UPRT: variants seen among roughly 807,000 people sequenced by gnomAD.
UPRT encodes the protein uracil phosphoribosyltransferase homolog.
A neutral mutation model predicts 22.6 loss-of-function variants in UPRT; 5 were observed. The ratio of observed to expected loss-of-function variants is 0.22; its 90% CI spans 0.12 to 0.47. UPRT has a LOEUF of 0.47. Ranked by LOEUF, UPRT falls within the 20% of genes least tolerant of loss-of-function variation. The pLI is 0.99. For synonymous variants in UPRT, 77 were observed against 87.7 expected (o/e 0.88, Z 0.68); for missense variants, 181 against 239.9 (o/e 0.75, Z 1.62).
upstream of UPRT, among the ~76,000 whole-genome samples, chrX:75,269,755 C>G (rs1213573464): frequency 2.7e-5 from 3 of 111,752 alleles, no homozygotes; most frequent in Admixed American, 2.9e-4. Context: ...AAAAGTAACT[C>G]AAGATGGATT....
intron 3 of UPRT, among the ~76,000 whole-genome samples, chrX:75,166,894 C>T (rs1446231507): frequency 1.8e-5 from 2 of 112,224 alleles, no homozygotes; most frequent in Non-Finnish European, 3.8e-5. Context: ...TGACATATAG[C>T]TGTATAATTT....
chrX:75,257,901 T>A (rs1262822456), intron 4 of UPRT, among the ~76,000 whole-genome samples: 1 of 111,338 alleles, frequency 9.0e-6, no homozygotes, highest in East Asian at 2.9e-4. Context: ...TCCCTCTCAC[T>A]GGGACTGGTT....
At chrX:75,262,908 T>C (rs996605314) in intron 4 of UPRT, among the ~76,000 whole-genome samples, 2 of 111,094 alleles carry the variant, frequency 1.8e-5, no homozygotes, top group Admixed American at 9.6e-5. Flanking sequence ...AGACAGAAAA[T>C]GAACAAGGAG....
At chrX:75,199,273 C>T (rs1380229927) in intron 4 of UPRT, among the ~76,000 whole-genome samples, 1 of 111,627 alleles carries the variant, frequency 9.0e-6, no homozygotes, top group African/African-American at 3.3e-5. Flanking sequence ...AAAAGAGACC[C>T]CTTCCTTCCA....
At chrX:75,237,696 G>C (rs772521720) in intron 4 of UPRT, among the ~76,000 whole-genome samples, 68 of 105,388 alleles carry the variant, frequency 6.5e-4, no homozygotes, top group Admixed American at 2.5e-3. Context: ...ACTATCGCAA[G>C]AACAAAAAAC....
At chrX:75,162,106 C>CTTTTTTTTT (rs5902736) in intron 2 of UPRT, among the ~76,000 whole-genome samples, 11 of 78,959 alleles carry the variant, frequency 1.4e-4, no homozygotes, top group African/African-American at 3.5e-4. Context: ...TCTTTCTTTT[C>CTTTTTTTTT]TTTTTTTTTT....
At chrX:75,172,384 G>T (rs1358819575) in intron 4 of UPRT, among the ~76,000 whole-genome samples, 1 of 111,234 alleles carries the variant, frequency 9.0e-6, no homozygotes, top group Non-Finnish European at 1.9e-5. Context: ...GCAGTTACAG[G>T]CCTCACCCAG....
chrX:75,236,879 A>C (rs2082467544), intron 4 of UPRT, among the ~76,000 whole-genome samples: 1 of 112,522 alleles, frequency 8.9e-6, no homozygotes, highest in South Asian at 3.6e-4. Context: ...CATTCAGGAC[A>C]TAGGCATGGC....
At chrX:75,241,616 TTACAC>T (rs2082488865) in intron 4 of UPRT, among the ~76,000 whole-genome samples, 1 of 111,618 alleles carries the variant, frequency 9.0e-6, no homozygotes, top group South Asian at 3.7e-4. Flanking sequence ...AAAAAGACAC[TTACAC>T]AGGCATGTTT....
chrX:75,283,415 T>C (rs190063306), intron 1 of UPRT, among the ~76,000 whole-genome samples: 102 of 111,203 alleles, frequency 9.2e-4, no homozygotes, highest in Non-Finnish European at 1.6e-3. Flanking sequence ...CTTTAAAGAG[T>C]TTCTGTTTTG....
chrX:75,286,129 A>G (rs996843054), intron 1 of UPRT, among the ~76,000 whole-genome samples: 1 of 111,357 alleles, frequency 9.0e-6, no homozygotes, highest in African/African-American at 3.3e-5. Context: ...GTTGCTCAAA[A>G]CCAAAAAAAG....
chrX:75,186,812 A>C (rs1189012657), intron 4 of UPRT, among the ~76,000 whole-genome samples: 58 of 111,513 alleles, frequency 5.2e-4, no homozygotes, highest in African/African-American at 1.8e-3. Flanking sequence ...TTGTTGGTTT[A>C]AAGTCTGTTT....
chrX:75,285,907 G>C (rs1285941211), intron 1 of UPRT, among the ~76,000 whole-genome samples: 2 of 110,632 alleles, frequency 1.8e-5, no homozygotes, highest in African/African-American at 3.3e-5. Context: ...CTTCACTGGG[G>C]GTTTGTTTTT....
At chrX:75,180,009 C>T (rs969151080) in intron 4 of UPRT, among the ~76,000 whole-genome samples, 8 of 112,722 alleles carry the variant, frequency 7.1e-5, no homozygotes, top group African/African-American at 2.6e-4. Flanking sequence ...TGCCGCCAAA[C>T]TGGGAGCCCA....
At chrX:75,239,881 G>A (rs1569272115) in intron 4 of UPRT, among the ~76,000 whole-genome samples, 1 of 111,278 alleles carries the variant, frequency 9.0e-6, no homozygotes. Context: ...AAAATCATTT[G>A]ACAAAATTTA....
At chrX:75,277,766 ATTTT>A (rs2082637318) in intron 1 of UPRT, among the ~76,000 whole-genome samples, 2 of 111,837 alleles carry the variant, frequency 1.8e-5, no homozygotes, top group Non-Finnish European at 3.8e-5. Flanking sequence ...ATTGTAGATA[ATTTT>A]TATCTTGTTT....
At chrX:75,156,457 T>C (rs2082179724) in exon 1 of UPRT, 5 of 516,842 alleles carry the variant, frequency 9.7e-6, no homozygotes, top group Non-Finnish European at 1.6e-5. Flanking sequence ...GGCCGAGCTT[T>C]GATTGTTTTC....
Position 75,297,501 on chromosome X carries a change from T to C in UPRT, c.510T>C (p.Tyr170=), listed in dbSNP as rs141589742. 2.5e-6 allele frequency: 3 copies of C among 1,209,593 alleles called. No individual in the cohort carries two copies. The African/African-American group carries it at 5.2e-5, about 21-fold the overall frequency. The change falls in exon 4 of 7, where the codon TAT becomes TAC. Residue 170 remains tyrosine (Y), a synonymous_variant. Transcript: ENST00000373383. The part of the protein sequence containing the change: ...CMVTTPTGYK[Y]EGVKFEKGNC... ...TTTATTTCCTAACAGGGTACAAGTA[T>C]GAAGGAGTGAAATTTGAGAAGGGAA... is the stretch of plus-strand genomic sequence containing the variant.
chrX:75,220,536 T>C (rs769925326), intron 4 of UPRT, among the ~76,000 whole-genome samples: 7 of 111,495 alleles, frequency 6.3e-5, no homozygotes, highest in Non-Finnish European at 1.1e-4. Context: ...TTTGATGGTA[T>C]GTTTTAATTT....
Sources: gnomAD v4.1 joint callset for allele counts (sites outside exome capture counted in the v4.1 genomes callset) on GRCh38, gnomAD v4.1.1 for gene constraint, MANE v1.5 for transcripts, NCBI Gene and HGNC (gene_info 2026-07-23, HGNC 2026-07-21) for gene names.